Variants in CEP112 observed in about 807,000 individuals in gnomAD.
CEP112 encodes centrosomal protein 112, also known as centrosomal protein of 112 kDa.
In CEP112, 127 loss-of-function variants were observed where a neutral mutation model predicts 153.0. The ratio of observed to expected loss-of-function variants is 0.83; its 90% CI spans 0.72 to 0.96. CEP112 has a LOEUF of 0.96. CEP112 is among the 40% of genes least tolerant of loss of function. The probability of loss-of-function intolerance (pLI) is 0.00; values close to 1 mark genes in which losing one functional copy is unlikely to be tolerated. For missense variants in CEP112, 1,089 were observed against 1,101.2 expected (o/e 0.99, Z 0.16); for synonymous variants, 358 against 374.4 (o/e 0.96, Z 0.51).
intron 6 of CEP112, among the ~76,000 whole-genome samples, chr17:66,114,968 G>A (rs746091346): frequency 2.6e-5 from 4 of 152,054 alleles, no homozygotes; most frequent in Non-Finnish European, 4.4e-5. Context: ...ACTTTAGGAG[G>A]CCGAGGCAGA....
At chr17:66,062,849 A>G (rs562262161) in intron 11 of CEP112, 114 bp downstream of exon 11, 15 of 491,666 alleles carry the variant, frequency 3.1e-5, no homozygotes, top group Non-Finnish European at 4.5e-5. Context: ...CTGGAATTTT[A>G]GTTATTTTTT....
At chr17:65,974,535 C>T (rs1022357201) in intron 17 of CEP112, among the ~76,000 whole-genome samples, 4 of 152,142 alleles carry the variant, frequency 2.6e-5, no homozygotes, top group Non-Finnish European at 5.9e-5. Context: ...CCAAACAATA[C>T]AAAAATTCAT....
At chr17:65,863,370 C>G (rs535419392) in intron 20 of CEP112, among the ~76,000 whole-genome samples, 1 of 152,172 alleles carries the variant, frequency 6.6e-6, no homozygotes, top group African/African-American at 2.4e-5. Flanking sequence ...TAATTTGTTT[C>G]TAACAAATTA....
At chr17:65,852,478 CTTCCCTCCCTCA>C (rs1433509151) in intron 20 of CEP112, among the ~76,000 whole-genome samples, 1 of 102,876 alleles carries the variant, frequency 9.7e-6, no homozygotes, top group South Asian at 4.2e-4. Context: ...TCCTTCCTTC[CTTCCCTCCCTCA>C]TTCCCTCCCT....
Position 65,921,200 on chromosome 17 carries a change from C to T in CEP112, c.1980+6382G>A, listed in dbSNP as rs571137868. On this transcript the variant is annotated intron_variant, in intron 19 of 26. Coordinates refer to ENST00000535342, the MANE Select transcript of CEP112 (RefSeq NM_001199165.4). ...ATGTAGGCACCGTCAGACGGCTCCA[C>T]GAAAGCCAGATATATTACATCTACT... 7.2e-5 allele frequency among the ~76,000 whole-genome samples: 11 copies of T among 152,186 alleles called. No individual in the cohort carries two copies. In the South Asian group the frequency reaches 1.7e-3, roughly 23 times the overall value.
chr17:65,741,343 T>C, intron 23 of CEP112, among the ~76,000 whole-genome samples: 1 of 118,610 alleles, frequency 8.4e-6, no homozygotes, highest in East Asian at 2.3e-4. Context: ...TAATATAGGT[T>C]AGTAAAAAAG....
At chr17:65,776,819 A>C (rs1425928308) in intron 21 of CEP112, among the ~76,000 whole-genome samples, 2 of 152,198 alleles carry the variant, frequency 1.3e-5, no homozygotes, top group Non-Finnish European at 2.9e-5. Context: ...AGACTGTATC[A>C]ATTTACACTC....
At chr17:65,920,395 AT>A (rs1568229991) in intron 19 of CEP112, among the ~76,000 whole-genome samples, 7 of 115,396 alleles carry the variant, frequency 6.1e-5, no homozygotes, top group Non-Finnish European at 8.9e-5. Context: ...ATATATATAT[AT>A]ATATATATAA....
In CEP112 at chr17:65,743,219, T is replaced by G; in HGVS notation, c.2458-2A>C. The G allele has an allele frequency of 6.2e-7, 1 of 1,603,188 alleles. No homozygotes were observed. Among genetic ancestry groups the G allele is most frequent in the Non-Finnish European group, 8.5e-7 (1 of 1,176,804 alleles). ...GGTTGTCTGAAGTTCTGCTATGATC[T>G]AAAATGAAAACAGCATGCTATAACT... On this transcript the variant is annotated splice_acceptor_variant, in intron 22 of 26. Transcript: ENST00000535342. LOFTEE classifies it high-confidence loss of function.
intron 4 of CEP112, among the ~76,000 whole-genome samples, chr17:66,162,770 A>G (rs1039133639): frequency 6.6e-6 from 1 of 152,138 alleles, no homozygotes; most frequent in Non-Finnish European, 1.5e-5. Context: ...GGAGAGAGCA[A>G]GAAAGAGTTT....
chr17:65,937,023 G>C (rs1288312080), intron 18 of CEP112, among the ~76,000 whole-genome samples: 2 of 149,396 alleles, frequency 1.3e-5, no homozygotes, highest in African/African-American at 4.9e-5. Flanking sequence ...TCGCTGTGTT[G>C]GCCGGGCTGG....
intron 17 of CEP112, among the ~76,000 whole-genome samples, chr17:65,996,936 C>T (rs1397151394): frequency 1.3e-5 from 2 of 152,076 alleles, no homozygotes; most frequent in Non-Finnish European, 1.5e-5. Flanking sequence ...TGGATGGGCA[C>T]GGTGGCCCAC....
At chr17:65,961,043 T>C (rs758598275) in intron 18 of CEP112, among the ~76,000 whole-genome samples, 42 of 151,170 alleles carry the variant, frequency 2.8e-4, no homozygotes, top group Non-Finnish European at 3.8e-4. Flanking sequence ...TATATAAGAA[T>C]TGGAGACAGC....
At chr17:65,640,155 T>TATATATATATATA (rs1491163281) in intron 25 of CEP112, among the ~76,000 whole-genome samples, 2 of 24,980 alleles carry the variant, frequency 8.0e-5, no homozygotes, top group African/African-American at 4.0e-4. Flanking sequence ...TATATATATA[T>TATATATATATATA]TTTTTTTTTT....
At chr17:65,666,168 G>A (rs1276773650) in intron 24 of CEP112, among the ~76,000 whole-genome samples, 1 of 152,230 alleles carries the variant, frequency 6.6e-6, no homozygotes, top group Non-Finnish European at 1.5e-5. Context: ...GGAGCTCCCT[G>A]ACACCTGCAT....
At chr17:65,806,728 C>T (rs745970581) in intron 21 of CEP112, among the ~76,000 whole-genome samples, 17 of 152,200 alleles carry the variant, frequency 1.1e-4, no homozygotes, top group Non-Finnish European at 2.2e-4. Flanking sequence ...TCCCCTTCAC[C>T]TTCTGCCATG....
At chr17:66,163,097 A>T (rs145330763) in intron 4 of CEP112, among the ~76,000 whole-genome samples, 5,184 of 152,268 alleles carry the variant, frequency 0.034, 132 homozygotes, top group Middle Eastern at 0.061. Context: ...TTTCCTCTCA[A>T]GCAAAGGGAA....
At position 66,189,295 on chromosome 17, in the gene CEP112, G is replaced by A. The variant is rs558263904; in HGVS notation, c.-9+2702C>T. On this transcript the variant is annotated intron_variant, in intron 1 of 26. Coordinates refer to ENST00000535342, the MANE Select transcript of CEP112 (RefSeq NM_001199165.4). ...GCAGGCGGATAACTTGAGGTCAGGA[G>A]TTCAAGACCAGCCTGGCCAACATGG... Among the ~76,000 whole-genome samples, 6 of 152,248 alleles carry A rather than the reference G, an allele frequency of 3.9e-5. No homozygotes were observed. In the East Asian group the frequency reaches 1.2e-3, roughly 29 times the overall value.
intron 23 of CEP112, among the ~76,000 whole-genome samples, chr17:65,695,963 C>G (rs2048333820): frequency 6.6e-6 from 1 of 152,220 alleles, no homozygotes; most frequent in Non-Finnish European, 1.5e-5. Context: ...ACTTTCCCGT[C>G]TTTATCAAAA....
Sources: gnomAD v4.1 joint callset for allele counts (sites outside exome capture counted in the v4.1 genomes callset) on GRCh38, gnomAD v4.1.1 for gene constraint, MANE v1.5 for transcripts, NCBI Gene and HGNC (gene_info 2026-07-23, HGNC 2026-07-21) for gene names.